The following EVA1C variants were observed in gnomAD, a reference collection of about 807,000 sequenced individuals.
The protein encoded by EVA1C is eva-1 homolog C.
A neutral mutation model predicts 45.4 loss-of-function variants in EVA1C; 25 were observed. The observed-to-expected ratio is 0.55, with a 90% CI of 0.40 to 0.77. The LOEUF is 0.77. Ranked by LOEUF, EVA1C falls within the 30% of genes least tolerant of loss-of-function variation. EVA1C has a pLI of 0.00. For missense variants in EVA1C, 479 were observed against 554.8 expected, an observed-to-expected ratio of 0.86 and a Z score of 1.37; for synonymous variants, 190 against 221.2, an observed-to-expected ratio of 0.86 and a Z score of 1.25.
At chr21:32,434,278 A>G (rs2034838168) in intron 1 of EVA1C, among the ~76,000 whole-genome samples, 1 of 151,532 alleles carries the variant, frequency 6.6e-6, no homozygotes, top group Admixed American at 6.6e-5. Flanking sequence ...CCTGGGTGAC[A>G]GAGCAGGATT....
chr21:32,491,820 G>A (rs963443771), intron 4 of EVA1C, among the ~76,000 whole-genome samples: 9 of 152,108 alleles, frequency 5.9e-5, no homozygotes, highest in African/African-American at 2.2e-4. Context: ...TATGGCAGGA[G>A]AGTAGGAGGA....
intron 1 of EVA1C, among the ~76,000 whole-genome samples, chr21:32,421,638 G>C (rs1162953936): frequency 6.6e-6 from 1 of 152,132 alleles, no homozygotes; most frequent in African/African-American, 2.4e-5. Flanking sequence ...ATCAATATAG[G>C]CCCATCTATA....
At chr21:32,463,720 A>G (rs1771029479) in intron 3 of EVA1C, among the ~76,000 whole-genome samples, 2 of 145,682 alleles carry the variant, frequency 1.4e-5, no homozygotes, top group Admixed American at 7.2e-5. Context: ...GTTTCATGAC[A>G]TGCCTTAAAC....
At chr21:32,414,393 C>T (rs534141007) in intron 1 of EVA1C, among the ~76,000 whole-genome samples, 1 of 152,274 alleles carries the variant, frequency 6.6e-6, no homozygotes, top group African/African-American at 2.4e-5. Context: ...CTGAGTTCAG[C>T]CACCATCTAG....
chr21:32,431,306 G>T (rs2034694589), intron 1 of EVA1C, among the ~76,000 whole-genome samples: 1 of 152,204 alleles, frequency 6.6e-6, no homozygotes, highest in South Asian at 2.1e-4. Context: ...CCACAACTAT[G>T]CTCCTGTTTT....
intron 4 of EVA1C, among the ~76,000 whole-genome samples, chr21:32,484,164 C>T (rs954019382): frequency 6.6e-6 from 1 of 152,108 alleles, no homozygotes; most frequent in African/African-American, 2.4e-5. Context: ...CCTGCCCAGT[C>T]CCCAGGGTAC....
At chr21:32,453,658 G>A in intron 2 of EVA1C, 150 bp downstream of exon 2, 1 of 604,106 alleles carries the variant, frequency 1.7e-6, no homozygotes, top group Non-Finnish European at 2.9e-6. Flanking sequence ...CACCAGTTTT[G>A]TAGGTGAGCT....
rs1207843754 is a variant in EVA1C, at chr21:32,475,061, A to G, written c.634+7213A>G. On this transcript the variant is annotated intron_variant, in intron 4 of 7. Transcript: ENST00000300255. ...TTGGTGGGATGATTATGTGAGAGCGAGGGGTTGGTTTCACTGCAGACCTCT... is the reference window on the plus strand; with the variant it reads ...TTGGTGGGATGATTATGTGAGAGCGGGGGGTTGGTTTCACTGCAGACCTCT... 3.9e-5 allele frequency among the ~76,000 whole-genome samples: 6 copies of G among 152,272 alleles called. No individual in the cohort carries two copies. In the East Asian group the frequency reaches 1.2e-3, roughly 29 times the overall value.
At chr21:32,451,000 C>G (rs2035559094) in intron 1 of EVA1C, among the ~76,000 whole-genome samples, 1 of 152,150 alleles carries the variant, frequency 6.6e-6, no homozygotes, top group Admixed American at 6.5e-5. Flanking sequence ...AGCAAGACAG[C>G]TAACGTCTGG....
intron 7 of EVA1C, 34 bp from the exon 8 acceptor site, chr21:32,514,780 T>A: frequency 6.6e-7 from 1 of 1,507,512 alleles, no homozygotes; most frequent in Non-Finnish European, 8.9e-7. Context: ...TGCCAGCTCC[T>A]CCCAGCTCCT....
At chr21:32,507,428 G>A (rs373969363) in intron 7 of EVA1C, among the ~76,000 whole-genome samples, 4 of 151,332 alleles carry the variant, frequency 2.6e-5, no homozygotes, top group South Asian at 2.1e-4. Flanking sequence ...ATGTGTGCAC[G>A]TGTGTGTGCA....
chr21:32,514,678 T>C (rs2038078724), intron 7 of EVA1C, 136 bp from the exon 8 acceptor site: 2 of 1,041,742 alleles, frequency 1.9e-6, no homozygotes, highest in Non-Finnish European at 2.7e-6. Flanking sequence ...TATTTTGGTG[T>C]AGACAGTCTC....
At chr21:32,511,958 G>T (rs1601082881) in intron 7 of EVA1C, among the ~76,000 whole-genome samples, 1 of 151,878 alleles carries the variant, frequency 6.6e-6, no homozygotes, top group East Asian at 1.9e-4. Context: ...CTACATTATA[G>T]CCAAGACAGT....
chr21:32,420,659 G>T (rs1373386957), intron 1 of EVA1C, among the ~76,000 whole-genome samples: 1 of 152,178 alleles, frequency 6.6e-6, no homozygotes, highest in Non-Finnish European at 1.5e-5. Context: ...CTCCCAAAGT[G>T]CTGGGATTAC....
chr21:32,412,170 C>T (rs967896768), upstream of EVA1C: 1 of 152,274 alleles, frequency 6.6e-6, no homozygotes, highest in Admixed American at 6.5e-5. Context: ...GCTCAGTCTC[C>T]TCTTCTGTGG....
intron 7 of EVA1C, among the ~76,000 whole-genome samples, chr21:32,513,332 A>C (rs1311877077): frequency 1.4e-5 from 2 of 146,478 alleles, no homozygotes; most frequent in African/African-American, 5.0e-5. Flanking sequence ...GCCCGCCACC[A>C]CACCCGGCTA....
intron 1 of EVA1C, among the ~76,000 whole-genome samples, chr21:32,436,105 C>G (rs1301552746): frequency 3.9e-5 from 6 of 152,154 alleles, no homozygotes; most frequent in African/African-American, 1.4e-4. Flanking sequence ...GCTCTCTTGC[C>G]CAGGCTGGAG....
chr21:32,448,080 C>A (rs2035431902), intron 1 of EVA1C, among the ~76,000 whole-genome samples: 1 of 152,126 alleles, frequency 6.6e-6, no homozygotes. Context: ...CAAAATGGTT[C>A]TTGATGGCCT....
intron 4 of EVA1C, among the ~76,000 whole-genome samples, chr21:32,475,881 ATCTATCTATCTATCTATCT>A (rs2036538883): frequency 2.1e-5 from 1 of 46,820 alleles, no homozygotes; most frequent in Admixed American, 3.0e-4. Flanking sequence ...TAAAAACTTT[ATCTATCTATCTATCTATCT>A]ATCTATCTAT....
Sources: allele counts gnomAD v4.1 joint callset (sites outside exome capture counted in the v4.1 genomes callset), GRCh38; gene constraint gnomAD v4.1.1; transcripts MANE v1.5; gene names NCBI Gene and HGNC (gene_info 2026-07-23, HGNC 2026-07-21).